DCUN1D5: variants seen among roughly 807,000 people sequenced by gnomAD.
DCUN1D5 encodes DCN1-like protein 5.
A neutral mutation model predicts 38.3 loss-of-function variants in DCUN1D5; 10 were observed. The ratio of observed to expected loss-of-function variants is 0.26; its 90% CI spans 0.16 to 0.44. The LOEUF (loss-of-function observed/expected upper bound fraction) is 0.44. Ranked by LOEUF, DCUN1D5 falls within the 20% of genes least tolerant of loss-of-function variation. DCUN1D5 has a pLI of 1.00. For missense variants in DCUN1D5, 148 were observed against 275.3 expected, an observed-to-expected ratio of 0.54 and a Z score of 3.27; for synonymous variants, 93 against 90.9, an observed-to-expected ratio of 1.02 and a Z score of -0.13.
Position 103,056,409 on chromosome 11 carries a change from T to C in DCUN1D5, c.*5950A>G, listed in dbSNP as rs954307282. 6.6e-6 allele frequency among the ~76,000 whole-genome samples: 1 copy of C among 152,168 alleles called. No homozygotes were observed. The highest frequency in any genetic ancestry group is 1.5e-5 in the Non-Finnish European group (1 of 68,030). On this transcript the variant is annotated 3_prime_UTR_variant, in exon 8 of 8. Coordinates refer to ENST00000260247, the MANE Select transcript of DCUN1D5 (RefSeq NM_032299.4). This position sits in a 1 kb window ranked among gnomAD's most constrained non-coding sequence, Gnocchi z 4.9. ...CTTAGCATGTAATATTCCTTCTGCC[T>C]GGAATGCTCTCCTCCCAGATATCCA...
rs1274482373 is a variant in DCUN1D5, at chr11:103,066,056, T to G, written c.555+213A>C. Among the ~76,000 whole-genome samples, 2 of 151,490 alleles carry G rather than the reference T, an allele frequency of 1.3e-5. No individual in the cohort carries two copies. Among genetic ancestry groups the G allele is most frequent in the Non-Finnish European group, 2.9e-5 (2 of 67,878 alleles). On this transcript the variant is annotated intron_variant, in intron 6 of 7. Transcript: ENST00000260247. The surrounding 1 kb of genome is among the most constrained non-coding windows in gnomAD (Gnocchi z 4.7). ...TGGAGGTTTCTTTTATTTGGGGGAC[T>G]GGGGGGGTAGGATTGAAAATATCTT...
intron 2 of DCUN1D5, among the ~76,000 whole-genome samples, chr11:103,085,602 T>G (rs1862685351): frequency 6.6e-6 from 1 of 152,172 alleles, no homozygotes. Flanking sequence ...TAACTGACTT[T>G]GCCAAAGTGA....
Position 103,087,643 on chromosome 11 carries a change from C to G in DCUN1D5, c.178+1584G>C, listed in dbSNP as rs1430611710. ...CCAGCGTGGGCGACACAGTGAGACC[C>G]TGTCTCAAAAAATAAAGTCGTAGTG... On this transcript the variant is annotated intron_variant, in intron 2 of 7. Transcript: ENST00000260247. The surrounding 1 kb of genome is among the most constrained non-coding windows in gnomAD (Gnocchi z 4.1). Among the ~76,000 whole-genome samples, 1 of 152,152 alleles carries G rather than the reference C, an allele frequency of 6.6e-6. No individual in the cohort carries two copies. The highest frequency in any genetic ancestry group is 1.5e-5 in the Non-Finnish European group (1 of 68,032).
chr11:103,084,952 A>AATGATCT (rs1381017150), intron 2 of DCUN1D5, among the ~76,000 whole-genome samples: 1 of 152,094 alleles, frequency 6.6e-6, no homozygotes, highest in Admixed American at 6.6e-5. Context: ...ACGCCATTGT[A>AATGATCT]CTCCAGCCTG....
rs1467587662 is a variant in DCUN1D5, at chr11:103,064,959, A to G, written c.556-582T>C. 6.6e-6 allele frequency among the ~76,000 whole-genome samples: 1 copy of G among 152,180 alleles called. No individual in the cohort carries two copies. Among genetic ancestry groups the G allele is most frequent in the East Asian group, 1.9e-4 (1 of 5,198 alleles). ...ATATATGCCAAACAACCTGCACATA[A>G]CAAGTGTCTGAAAATATTTAGTTCT... On this transcript the variant is annotated intron_variant, in intron 6 of 7. Coordinates refer to ENST00000260247, the MANE Select transcript of DCUN1D5 (RefSeq NM_032299.4). This position sits in a 1 kb window ranked among gnomAD's most constrained non-coding sequence, Gnocchi z 4.5.
At position 103,054,950 on chromosome 11, in the gene DCUN1D5, G is replaced by C. The variant is rs554475024; in HGVS notation, c.*7409C>G. 6.6e-6 allele frequency: 1 copy of C among 152,180 alleles called. No individual in the cohort carries two copies. The highest frequency in any genetic ancestry group is 2.4e-5 in the African/African-American group (1 of 41,534). The allele number at this position is 152,180 out of a possible 1,614,324, so 9.4% of individuals were successfully genotyped here. On this transcript the variant is annotated 3_prime_UTR_variant, in exon 8 of 8. Coordinates refer to ENST00000260247, the MANE Select transcript of DCUN1D5 (RefSeq NM_032299.4). Reference sequence around the variant, plus strand: ...TTAATTGAGATTGAATGTAGGTGCAGGTTGAATATCTCTTATCCAAAATGC... The same window carrying C: ...TTAATTGAGATTGAATGTAGGTGCACGTTGAATATCTCTTATCCAAAATGC...
In DCUN1D5 at chr11:103,087,040, G is replaced by A. The variant is rs1265703696; in HGVS notation, c.178+2187C>T. 6.6e-6 allele frequency among the ~76,000 whole-genome samples: 1 copy of A among 151,960 alleles called. No individual in the cohort carries two copies. Among genetic ancestry groups the A allele is most frequent in the African/African-American group, 2.4e-5 (1 of 41,404 alleles). On this transcript the variant is annotated intron_variant, in intron 2 of 7. Transcript: ENST00000260247. This position sits in a 1 kb window ranked among gnomAD's most constrained non-coding sequence, Gnocchi z 4.1. ...CAGTTTTCTCATCTATAAAATGAGGGTATGGCCAAGCACAGCAGCTCATGC... is the reference window on the plus strand; with the variant it reads ...CAGTTTTCTCATCTATAAAATGAGGATATGGCCAAGCACAGCAGCTCATGC...
rs1862056489 is a variant in DCUN1D5 at position 103,063,263 on chromosome 11, A to G, written c.659-849T>C. ...CCTCTGACTCCTATAAAGGAGTACT[A>G]TAAAGGTACAGTTTTGTCAGACTTT... On this transcript the variant is annotated intron_variant, in intron 7 of 7. Transcript: ENST00000260247. This position sits in a 1 kb window ranked among gnomAD's most constrained non-coding sequence, Gnocchi z 4.6. Among the ~76,000 whole-genome samples, 2 of 152,184 alleles carry G rather than the reference A, an allele frequency of 1.3e-5. No homozygotes were observed.
Position 103,056,201 on chromosome 11 carries a change from TCAGTA to T in DCUN1D5, c.*6153_*6157del, listed in dbSNP as rs553443666. On this transcript the variant is annotated 3_prime_UTR_variant, in exon 8 of 8. Coordinates refer to ENST00000260247, the MANE Select transcript of DCUN1D5 (RefSeq NM_032299.4). The surrounding 1 kb of genome is among the most constrained non-coding windows in gnomAD (Gnocchi z 4.9). ...GAATCCTAATTGCTTGCTAGCTCAC[TCAGTA>T]AAGTCCTACTCTTGAGAAAGGGCTA... Among the ~76,000 whole-genome samples the T allele has an allele frequency of 1.3e-3, 204 of 152,322 alleles. 1 individual carries two copies. Among genetic ancestry groups the T allele is most frequent in the African/African-American group, 4.7e-3 (197 of 41,576 alleles).
rs1230754583 is a variant in DCUN1D5, at chr11:103,066,022, T to G, written c.555+247A>C. On this transcript the variant is annotated intron_variant, in intron 6 of 7. Coordinates refer to ENST00000260247, the MANE Select transcript of DCUN1D5 (RefSeq NM_032299.4). The surrounding 1 kb of genome is among the most constrained non-coding windows in gnomAD (Gnocchi z 4.7). ...TGCAAGACAAATGTCTGTGATACAA[T>G]GTATTTCTTGGAGGTTTCTTTTATT... Among the ~76,000 whole-genome samples the G allele has an allele frequency of 6.6e-6, 1 of 151,856 alleles. No homozygotes were observed. The highest frequency in any genetic ancestry group is 2.1e-4 in the South Asian group (1 of 4,810).
rs1862335493 is a variant in DCUN1D5 at position 103,073,697 on chromosome 11, G to T, written c.342-7130C>A. The stretch of plus-strand genomic sequence containing the variant: ...TACATGTAAAATTTAATAATGGAAG[G>T]CTTCTAGAAAAATACATGAGAAAAT... On this transcript the variant is annotated intron_variant, in intron 4 of 7. Transcript: ENST00000260247. This position sits in a 1 kb window ranked among gnomAD's most constrained non-coding sequence, Gnocchi z 4.2. 2.0e-5 allele frequency among the ~76,000 whole-genome samples: 3 copies of T among 152,134 alleles called. No homozygotes were observed. In the South Asian group the frequency reaches 6.2e-4, roughly 32 times the overall value.
intron 4 of DCUN1D5, among the ~76,000 whole-genome samples, chr11:103,079,369 G>A (rs1156702710): frequency 6.6e-6 from 1 of 152,188 alleles, no homozygotes; most frequent in African/African-American, 2.4e-5. Context: ...ATTCCTCGCT[G>A]TGATCACCAG....
intron 4 of DCUN1D5, among the ~76,000 whole-genome samples, chr11:103,070,031 C>G (rs974752434): frequency 6.6e-6 from 1 of 151,282 alleles, no homozygotes; most frequent in Non-Finnish European, 1.5e-5. Flanking sequence ...AATTATCTGA[C>G]ACATTTTAAA....
chr11:103,080,075 T>A (rs956637158), intron 4 of DCUN1D5: 1 of 152,190 alleles, frequency 6.6e-6, no homozygotes, highest in Non-Finnish European at 1.5e-5. Flanking sequence ...AGATGACTAA[T>A]CATGATTATT....
intron 4 of DCUN1D5, among the ~76,000 whole-genome samples, chr11:103,081,021 A>AT (rs1172512947): frequency 1.3e-5 from 2 of 151,896 alleles, no homozygotes; most frequent in Non-Finnish European, 2.9e-5. Context: ...AAAAAAAAAA[A>AT]CATGCTCATG....
At chr11:103,088,880 G>A (rs1211910123) in intron 2 of DCUN1D5, among the ~76,000 whole-genome samples, 2 of 152,100 alleles carry the variant, frequency 1.3e-5, no homozygotes, top group African/African-American at 4.8e-5. Context: ...TATGTACTTT[G>A]TGTTTTCCAC....
rs1175740322 is a variant in DCUN1D5, at chr11:103,055,316, A to C, written c.*7043T>G. On this transcript the variant is annotated 3_prime_UTR_variant, in exon 8 of 8. Transcript: ENST00000260247. ...TCAACCTGCGCTGTTTGGCTATATTAATTCATGTAGAACTCTTCACAATCT... is the reference window on the plus strand; with the variant it reads ...TCAACCTGCGCTGTTTGGCTATATTCATTCATGTAGAACTCTTCACAATCT... 6.6e-6 allele frequency: 1 copy of C among 152,096 alleles called. No individual in the cohort carries two copies. Among genetic ancestry groups the C allele is most frequent in the Admixed American group, 6.6e-5 (1 of 15,254 alleles). The allele number at this position is 152,096 out of a possible 1,614,324, so 9.4% of individuals were successfully genotyped here. A position where few individuals can be genotyped will look rare whatever the true frequency, so the allele number is the denominator to read the frequency against.
In DCUN1D5 at chr11:103,052,842, C is replaced by T. The variant is rs1285006913; in HGVS notation, c.*9517G>A. On this transcript the variant is annotated 3_prime_UTR_variant, in exon 8 of 8. Transcript: ENST00000260247. ...CCTAAATAGAAATTCAGTTTTCTCA[C>T]TCTATTACTTTGTTCACATGTTTGA... is the stretch of plus-strand genomic sequence containing the variant. 6.6e-6 allele frequency: 1 copy of T among 152,104 alleles called. No individual in the cohort carries two copies. The highest frequency in any genetic ancestry group is 2.4e-5 in the African/African-American group (1 of 41,430). 9.4% of individuals were successfully genotyped at this position (152,104 alleles called of 1,614,324 possible).
rs796905027 is a variant in DCUN1D5 at position 103,065,623 on chromosome 11, T to TAA, written c.555+644_555+645dup. Among the ~76,000 whole-genome samples, 1 of 144,562 alleles carries TAA rather than the reference T, an allele frequency of 6.9e-6. No individual in the cohort carries two copies. 94.8% of individuals were successfully genotyped at this position (144,562 alleles called of 152,430 possible). A position where few individuals can be genotyped will look rare whatever the true frequency, so the allele number is the denominator to read the frequency against. On this transcript the variant is annotated intron_variant, in intron 6 of 7. Coordinates refer to ENST00000260247, the MANE Select transcript of DCUN1D5 (RefSeq NM_032299.4). The surrounding 1 kb of genome is among the most constrained non-coding windows in gnomAD (Gnocchi z 4.6). Reference sequence around the variant, plus strand: ...AATTACAAAGGCACAAAAACAGATTTAAAAAAAAAAAACTAGACAAAGCAA... The same window carrying TAA: ...AATTACAAAGGCACAAAAACAGATTTAAAAAAAAAAAAAACTAGACAAAGCAA...
Sources: allele counts gnomAD v4.1 joint callset (sites outside exome capture counted in the v4.1 genomes callset), GRCh38; gene constraint gnomAD v4.1.1; non-coding constraint Gnocchi (gnomAD v3.1); transcripts MANE v1.5; gene names NCBI Gene and HGNC (gene_info 2026-07-23, HGNC 2026-07-21).